COL4A2: variants seen among roughly 807,000 people sequenced by gnomAD.
The protein encoded by COL4A2 is collagen alpha-2(IV) chain.
COL4A2 carries 99 observed loss-of-function variants against 200.2 expected under a neutral mutation model. The ratio of observed to expected loss-of-function variants is 0.49; its 90% CI spans 0.42 to 0.58. COL4A2 has a LOEUF of 0.58. COL4A2 is among the 20% of genes least tolerant of loss of function. The pLI is 0.00. For missense variants in COL4A2, 1,950 were observed against 2,314.1 expected (o/e 0.84, Z 3.23); for synonymous variants, 897 against 900.6 (o/e 1.00, Z 0.07).
At chr13:110,492,253 G>A in intron 38 of COL4A2, 76 bp downstream of exon 38, 1 of 1,327,480 alleles carries the variant, frequency 7.5e-7, no homozygotes, top group Non-Finnish European at 1.1e-6. Context: ...GAGCAGGCCA[G>A]CCTCTCTCAG....
chr13:110,321,885 C>T (rs1885286840), intron 3 of COL4A2, among the ~76,000 whole-genome samples: 1 of 152,140 alleles, frequency 6.6e-6, no homozygotes, highest in African/African-American at 2.4e-5. Context: ...GGGAAACCAT[C>T]CCCATAATTC....
chr13:110,430,835 A>T (rs1320133777), intron 10 of COL4A2: 1 of 771,278 alleles, frequency 1.3e-6, no homozygotes, highest in Non-Finnish European at 2.3e-6. Context: ...TCTGCCAGTT[A>T]TGTCAAATTT....
At chr13:110,363,094 T>G (rs1330059614) in intron 4 of COL4A2, among the ~76,000 whole-genome samples, 1 of 152,140 alleles carries the variant, frequency 6.6e-6, no homozygotes, top group Admixed American at 6.5e-5. Flanking sequence ...ATTAGTGAGA[T>G]GGTCAAATGG....
At position 110,491,363 on chromosome 13, in the gene COL4A2, A is replaced by C. The variant is rs770047385; in HGVS notation, c.3454+23A>C. 85 of 1,494,244 alleles carry C rather than the reference A, an allele frequency of 5.7e-5. 2 individuals are homozygous for C. In the South Asian group the frequency reaches 9.6e-4, roughly 17 times the overall value. The allele number at this position is 1,494,244 out of a possible 1,614,324, so 92.6% of individuals were successfully genotyped here. A position where few individuals can be genotyped will look rare whatever the true frequency, so the allele number is the denominator to read the frequency against. The stretch of plus-strand genomic sequence containing the variant: ...CAGGTAAAATCTCCCGCAGCCACAC[A>C]GCCTTCCTCAGGCAGGCCCTCCGGA... On this transcript the variant is annotated intron_variant, in intron 37 of 47. Coordinates refer to ENST00000360467, the MANE Select transcript of COL4A2 (RefSeq NM_001846.4).
chr13:110,505,153 A>T (rs111765708), intron 45 of COL4A2, among the ~76,000 whole-genome samples: 12 of 151,492 alleles, frequency 7.9e-5, no homozygotes, highest in South Asian at 6.3e-4. Context: ...GATCGAGACC[A>T]TCCTGGCTAA....
At chr13:110,343,705 C>T (rs970475362) in intron 3 of COL4A2, among the ~76,000 whole-genome samples, 24 of 152,212 alleles carry the variant, frequency 1.6e-4, no homozygotes, top group African/African-American at 5.5e-4. Flanking sequence ...CCAATGCAAA[C>T]GGGGACCTTC....
chr13:110,511,799 G>A, intron 47 of COL4A2, 135 bp from the exon 48 acceptor site: 1 of 1,412,530 alleles, frequency 7.1e-7, no homozygotes, highest in African/African-American at 1.4e-5. Context: ...CATTCGCGAG[G>A]ATGCCTCATG....
At chr13:110,417,802 A>AT (rs996980425) in intron 4 of COL4A2, among the ~76,000 whole-genome samples, 148 of 152,004 alleles carry the variant, frequency 9.7e-4, no homozygotes, top group African/African-American at 2.8e-3. Context: ...CATTTTGTTC[A>AT]TTTTTATTGC....
intron 19 of COL4A2, among the ~76,000 whole-genome samples, chr13:110,450,013 G>A (rs910521311): frequency 6.6e-6 from 1 of 152,214 alleles, no homozygotes; most frequent in Non-Finnish European, 1.5e-5. Flanking sequence ...ATGGTGCCAC[G>A]ATGGGTAACT....
chr13:110,459,688 A>T (rs1473751110), intron 22 of COL4A2: 1 of 152,208 alleles, frequency 6.6e-6, no homozygotes, highest in Non-Finnish European at 1.5e-5. Context: ...AAATACTAAA[A>T]ATCACTGAAT....
chr13:110,465,500 C>G lies in COL4A2; in HGVS notation c.1872C>G (p.Gly624=). Residue 624 remains glycine (G), a synonymous_variant, in exon 25 of 48, where the codon GGC becomes GGG. Coordinates refer to ENST00000360467, the MANE Select transcript of COL4A2 (RefSeq NM_001846.4). ...TPGEMGPPGL[G]LPGLKGQRGF... The stretch of plus-strand genomic sequence containing the variant: ...GAGAAATGGGCCCCCCAGGACTGGG[C>G]CTTCCCGGCCTCAAAGGCCAACGTG... 5.6e-6 allele frequency: 9 copies of G among 1,614,030 alleles called. No homozygotes were observed. The highest frequency in any genetic ancestry group is 7.6e-6 in the Non-Finnish European group (9 of 1,180,026).
At chr13:110,366,408 C>T (rs1594172340) in intron 4 of COL4A2, among the ~76,000 whole-genome samples, 1 of 152,150 alleles carries the variant, frequency 6.6e-6, no homozygotes, top group Admixed American at 6.5e-5. Context: ...GTGGTCTACA[C>T]AAGACTCTAA....
Position 110,425,142 on chromosome 13 carries a change from C to T in COL4A2, c.360+145C>T, listed in dbSNP as rs941874079. On this transcript the variant is annotated intron_variant, in intron 6 of 47. Transcript: ENST00000360467. ...GGGGACTATACGTGCGTATTCTCCC[C>T]GCGGAATTCAGTCAGACAGTGAACA... The T allele has an allele frequency of 1.6e-5, 15 of 922,404 alleles. 1 individual carries two copies. Among genetic ancestry groups the T allele is most frequent in the Middle Eastern group, 3.1e-4 (1 of 3,210 alleles). 57.1% of individuals were successfully genotyped at this position (922,404 alleles called of 1,614,324 possible). A position where few individuals can be genotyped will look rare whatever the true frequency, so the allele number is the denominator to read the frequency against.
At position 110,462,154 on chromosome 13, in the gene COL4A2, C is replaced by T. The variant is rs1882051318; in HGVS notation, c.1637C>T (p.Ala546Val). ...ATTGGTGCTCCCGGACCCAAAGGAG[C>T]AAAAGGAGATTCCAGAACAATCACA... ...GNIGAPGPKGAKGDSRTITTK... is the reference protein window; with the variant it reads ...GNIGAPGPKGVKGDSRTITTK... The change falls in exon 23 of 48, where the codon GCA becomes GTA. Residue 546 changes from alanine to valine, a missense_variant. Around this residue, in one of 2 missense-constraint regions of COL4A2, gnomAD observed 1,385 missense variants for 1,720.5 expected, o/e 0.80. Transcript: ENST00000360467. 1 of 1,614,156 alleles carries T rather than the reference C, an allele frequency of 6.2e-7. No individual in the cohort carries two copies. The highest frequency in any genetic ancestry group is 1.3e-5 in the African/African-American group (1 of 74,946).
chr13:110,482,437 T>G (rs886074539), intron 31 of COL4A2, 79 bp from the exon 32 acceptor site: 2 of 1,476,054 alleles, frequency 1.4e-6, no homozygotes, highest in Non-Finnish European at 1.9e-6. Context: ...ATTGCCGAAA[T>G]GTTACGGAGA....
chr13:110,354,638 TA>T (rs1365432810), intron 3 of COL4A2, among the ~76,000 whole-genome samples: 4 of 151,590 alleles, frequency 2.6e-5, no homozygotes, highest in African/African-American at 9.7e-5. Flanking sequence ...TTTTTTTTTT[TA>T]TAGTAGTAAC....
Position 110,430,399 on chromosome 13 carries a change from A to G in COL4A2, c.550-2A>G, listed in dbSNP as rs777437302. On this transcript the variant is annotated splice_acceptor_variant, in intron 8 of 47. Coordinates refer to ENST00000360467, the MANE Select transcript of COL4A2 (RefSeq NM_001846.4). LOFTEE classifies it high-confidence loss of function. ...CTCTTAAAATTATTTCTTCTCCATT[A>G]GGGTGAACCTGGAGAGCCTGGATTG... 18 of 1,613,268 alleles carry G rather than the reference A, an allele frequency of 1.1e-5. No homozygotes were observed.
intron 24 of COL4A2, among the ~76,000 whole-genome samples, chr13:110,463,854 G>A (rs1005440170): frequency 6.6e-6 from 1 of 152,184 alleles, no homozygotes; most frequent in Non-Finnish European, 1.5e-5. Flanking sequence ...TACAATTTAA[G>A]TGCAGTTTTT....
At chr13:110,376,726 T>C (rs1456922610) in intron 4 of COL4A2, among the ~76,000 whole-genome samples, 3 of 152,104 alleles carry the variant, frequency 2.0e-5, no homozygotes, top group African/African-American at 7.2e-5. Context: ...TGCCTCAAGC[T>C]CCCCAGTGAC....
Sources: allele counts gnomAD v4.1 joint callset (sites outside exome capture counted in the v4.1 genomes callset), GRCh38; gene constraint gnomAD v4.1.1; regional missense constraint gnomAD v4.1.1; transcripts MANE v1.5; gene names NCBI Gene and HGNC (gene_info 2026-07-23, HGNC 2026-07-21).